CDK6: variants seen among roughly 807,000 people sequenced by gnomAD.
CDK6 encodes cyclin dependent kinase 6.
Under a neutral mutation model 37.1 loss-of-function variants are expected in CDK6, and 6 were observed. The ratio of observed to expected loss-of-function variants is 0.16; its 90% confidence interval spans 0.09 to 0.32. The LOEUF (loss-of-function observed/expected upper bound fraction) is 0.32. Among genes scored for constraint, CDK6 ranks in the 10% least tolerant of loss-of-function variants. CDK6 has a pLI of 1.00. For synonymous variants in CDK6, 160 were observed against 161.3 expected (o/e 0.99, Z 0.06); for missense variants, 224 against 418.9 (o/e 0.53, Z 4.06).
chr7:92,655,296 A>G (rs928326641), intron 5 of CDK6, among the ~76,000 whole-genome samples: 1 of 152,170 alleles, frequency 6.6e-6, no homozygotes, highest in Non-Finnish European at 1.5e-5. Flanking sequence ...CAATATTTTA[A>G]ATAAATTTTG....
In CDK6 at chr7:92,610,006, T is replaced by C. The variant is rs1187159305; in HGVS notation, c.*5134A>G. The C allele has an allele frequency of 4.4e-6, 1 of 229,732 alleles. No homozygotes were observed. The highest frequency in any genetic ancestry group is 2.2e-5 in the African/African-American group (1 of 45,192). 14.2% of individuals were successfully genotyped at this position (229,732 alleles called of 1,614,324 possible). On this transcript the variant is annotated 3_prime_UTR_variant, in exon 8 of 8. Transcript: ENST00000424848. ...ACAAGTGCTAGGAAAGAGTTAAATA[T>C]GCGCAGAAAAATAAAGTTAGAATGA...
chr7:92,645,958 T>C (rs73232022), intron 5 of CDK6, among the ~76,000 whole-genome samples: 140 of 152,330 alleles, frequency 9.2e-4, no homozygotes, highest in Non-Finnish European at 1.5e-3. Context: ...GTGTGATTCA[T>C]ATAATCCAAC....
At chr7:92,673,907 A>T (rs1396555399) in intron 4 of CDK6, among the ~76,000 whole-genome samples, 1 of 151,752 alleles carries the variant, frequency 6.6e-6, no homozygotes, top group Non-Finnish European at 1.5e-5. Flanking sequence ...CCTCCTGAGT[A>T]GCTGGGACTA....
chr7:92,757,458 T>C (rs1179025075), intron 3 of CDK6, among the ~76,000 whole-genome samples: 1 of 152,224 alleles, frequency 6.6e-6, no homozygotes, highest in Non-Finnish European at 1.5e-5. Flanking sequence ...TCCAGTTCTA[T>C]CCATGTTCCT....
At chr7:92,805,671 G>T (rs533671484) in intron 2 of CDK6, among the ~76,000 whole-genome samples, 1 of 152,246 alleles carries the variant, frequency 6.6e-6, no homozygotes, top group East Asian at 1.9e-4. Context: ...ACTTCGAAAC[G>T]ATTTAAGAAC....
Position 92,833,749 on chromosome 7 carries a change from C to T in CDK6, c.-367-59G>A, listed in dbSNP as rs897852499. ...GCAATCAGACAGCCCAGAAGCCTTC[C>T]TCGGGGTTCCTCCAGACTCCCCTCC... On this transcript the variant is annotated intron_variant, in intron 1 of 7. Coordinates refer to ENST00000424848, the MANE Select transcript of CDK6 (RefSeq NM_001145306.2). The surrounding 1 kb of genome is among the most constrained non-coding windows in gnomAD (Gnocchi z 6.1). 7 of 412,392 alleles carry T rather than the reference C, an allele frequency of 1.7e-5. No individual in the cohort carries two copies. In the East Asian group the frequency reaches 2.5e-4, roughly 15 times the overall value. The allele number at this position is 412,392 out of a possible 1,614,324, so 25.5% of individuals were successfully genotyped here.
At chr7:92,662,314 G>C (rs1170982979) in intron 5 of CDK6, among the ~76,000 whole-genome samples, 2 of 152,138 alleles carry the variant, frequency 1.3e-5, no homozygotes, top group Non-Finnish European at 2.9e-5. Context: ...ATGTTGGGTT[G>C]GGGGTGTGGA....
chr7:92,826,354 C>T (rs1431051961), intron 2 of CDK6, among the ~76,000 whole-genome samples: 1 of 151,990 alleles, frequency 6.6e-6, no homozygotes, highest in Non-Finnish European at 1.5e-5. Flanking sequence ...CCAAAGTTAC[C>T]AGGACTCAAA....
rs1383859118 is a variant in CDK6 at position 92,768,730 on chromosome 7, A to C, written c.369+5966T>G. Among the ~76,000 whole-genome samples, 8 of 152,334 alleles carry C rather than the reference A, an allele frequency of 5.3e-5. No individual in the cohort carries two copies. The East Asian group carries it at 1.5e-3, about 29-fold the overall frequency. The stretch of plus-strand genomic sequence containing the variant: ...TCTGAATTTCAAATGTGATAAACAG[A>C]GTATGAGTGTCGGTGGCAGATGGCT... On this transcript the variant is annotated intron_variant, in intron 3 of 7. Coordinates refer to ENST00000424848, the MANE Select transcript of CDK6 (RefSeq NM_001145306.2).
At chr7:92,705,013 T>A (rs909221297) in intron 4 of CDK6, among the ~76,000 whole-genome samples, 19 of 152,222 alleles carry the variant, frequency 1.2e-4, no homozygotes, top group Admixed American at 8.5e-4. Context: ...AGAAATATTT[T>A]AAAAATCTAA....
At position 92,705,609 on chromosome 7, in the gene CDK6, C is replaced by T. The variant is rs1323895074; in HGVS notation, c.537+20017G>A. ...CATCCAAAGAAAGGTGGATCCCAGT[C>T]AGGTCATGTTGCAGAAGCTCCTGAA... On this transcript the variant is annotated intron_variant, in intron 4 of 7. Coordinates refer to ENST00000424848, the MANE Select transcript of CDK6 (RefSeq NM_001145306.2). Among the ~76,000 whole-genome samples, 12 of 152,290 alleles carry T rather than the reference C, an allele frequency of 7.9e-5. No homozygotes were observed. The South Asian group carries it at 1.0e-3, about 13-fold the overall frequency.
Position 92,607,610 on chromosome 7 carries a change from C to T in CDK6, c.*7530G>A. 1 of 232,566 alleles carries T rather than the reference C, an allele frequency of 4.3e-6. No homozygotes were observed. The highest frequency in any genetic ancestry group is 2.2e-5 in the African/African-American group (1 of 45,426). 14.4% of individuals were successfully genotyped at this position (232,566 alleles called of 1,614,324 possible). On this transcript the variant is annotated 3_prime_UTR_variant, in exon 8 of 8. Transcript: ENST00000424848. ...TGATAATGAACATTAGATGCAAAAT[C>T]CTAACACTTTCTGCCTTCAGTTGTA...
intron 2 of CDK6, among the ~76,000 whole-genome samples, chr7:92,784,387 A>G (rs1800071024): frequency 6.6e-6 from 1 of 152,228 alleles, no homozygotes; most frequent in South Asian, 2.1e-4. Flanking sequence ...CGACCTGCCA[A>G]TGGAGAAAAT....
intron 5 of CDK6, among the ~76,000 whole-genome samples, chr7:92,648,796 T>C (rs748849687): frequency 2.2e-4 from 33 of 152,242 alleles, no homozygotes; most frequent in Non-Finnish European, 1.9e-4. Context: ...ATTTTTAATC[T>C]ACAAAGTGAG....
In CDK6 at chr7:92,833,284, C is replaced by G. The variant is rs766582975; in HGVS notation, c.40G>C (p.Glu14Gln). ...DGLCRADQQY[E>Q]CVAEIGEGAY... Reference sequence around the variant, plus strand: ...CCCTCCCCGATCTCCGCCACGCATTCGTACTGCTGGTCAGCGCGGCACAGG... The same window carrying G: ...CCCTCCCCGATCTCCGCCACGCATTGGTACTGCTGGTCAGCGCGGCACAGG... The change falls in exon 2 of 8, where the codon GAA becomes CAA. Residue 14 changes from glutamate (E) to glutamine (Q), a missense_variant. Physicochemically the swap from Glu to Gln is conservative, Grantham distance 29 (BLOSUM62 2). Around this residue, in one of 5 missense-constraint regions of CDK6, gnomAD observed 18 missense variants for 18.5 expected, o/e 0.97. Coordinates refer to ENST00000424848, the MANE Select transcript of CDK6 (RefSeq NM_001145306.2). The surrounding 1 kb of genome is among the most constrained non-coding windows in gnomAD (Gnocchi z 6.1). The G allele has an allele frequency of 6.2e-7, 1 of 1,608,532 alleles. No individual in the cohort carries two copies. The highest frequency in any genetic ancestry group is 8.5e-7 in the Non-Finnish European group (1 of 1,178,492).
intron 3 of CDK6, among the ~76,000 whole-genome samples, chr7:92,726,557 C>T (rs3731313): frequency 8.3e-4 from 126 of 151,900 alleles, no homozygotes; most frequent in African/African-American, 2.9e-3. Context: ...ACCACAGGTG[C>T]ATGCCACCAT....
chr7:92,743,466 G>C (rs540892458), intron 3 of CDK6, among the ~76,000 whole-genome samples: 5 of 151,096 alleles, frequency 3.3e-5, no homozygotes, highest in Admixed American at 2.0e-4. Flanking sequence ...AGACACACAA[G>C]AGCGAAATTC....
chr7:92,661,579 T>C (rs1375527824), intron 5 of CDK6, among the ~76,000 whole-genome samples: 1 of 152,188 alleles, frequency 6.6e-6, no homozygotes, highest in African/African-American at 2.4e-5. Flanking sequence ...AAGAAAATCA[T>C]GAGAATGAGA....
chr7:92,765,614 GTTAA>G (rs1799560119), intron 3 of CDK6, among the ~76,000 whole-genome samples: 1 of 152,132 alleles, frequency 6.6e-6, no homozygotes, highest in East Asian at 1.9e-4. Flanking sequence ...ACATTTCTGA[GTTAA>G]TTAGAAGATA....
Sources: gnomAD v4.1 joint callset for allele counts (sites outside exome capture counted in the v4.1 genomes callset) on GRCh38, gnomAD v4.1.1 for gene constraint, gnomAD v4.1.1 regional missense constraint, Gnocchi (gnomAD v3.1) non-coding constraint, MANE v1.5 for transcripts, NCBI Gene and HGNC (gene_info 2026-07-23, HGNC 2026-07-21) for gene names.